CPED1: variants seen among roughly 807,000 people sequenced by gnomAD.
The protein encoded by CPED1 is cadherin like and PC-esterase domain containing 1, also known as cadherin-like and PC-esterase domain-containing protein 1.
In CPED1, 114 loss-of-function variants were observed where a neutral mutation model predicts 128.2. The observed-to-expected ratio is 0.89, with a 90% CI of 0.76 to 1.04. The LOEUF is 1.04. CPED1 is among the 50% of genes least tolerant of loss of function. CPED1 has a pLI of 0.00. For missense variants in CPED1, 1,211 were observed against 1,207.1 expected, an observed-to-expected ratio of 1.00 and a Z score of -0.05; for synonymous variants, 462 against 426.7, an observed-to-expected ratio of 1.08 and a Z score of -1.02.
chr7:121,109,925 C>T (rs1158635444), intron 7 of CPED1, among the ~76,000 whole-genome samples: 4 of 152,122 alleles, frequency 2.6e-5, no homozygotes, highest in African/African-American at 9.7e-5. Context: ...ATGATTACAT[C>T]CTTTCAGGCT....
chr7:121,040,835 A>G (rs1293625077), intron 3 of CPED1, among the ~76,000 whole-genome samples: 2 of 152,084 alleles, frequency 1.3e-5, no homozygotes, highest in African/African-American at 4.8e-5. Flanking sequence ...ATAGTTTAAT[A>G]TCGTGAATAA....
chr7:121,141,904 A>C (rs987925157), intron 15 of CPED1, 69 bp from the exon 16 acceptor site: 8 of 1,231,980 alleles, frequency 6.5e-6, no homozygotes, highest in Non-Finnish European at 9.3e-6. Flanking sequence ...ATATTGATAT[A>C]TGAATCAGTT....
Position 121,117,077 on chromosome 7 carries a change from T to TTTTATATATATA in CPED1, c.919-7253_919-7252insTTATATATATAT, listed in dbSNP as rs377516668. ...CACACATTTTATATATATATACACA[T>TTTTATATATATA]TATATATATATATATATATATAAAT... On this transcript the variant is annotated intron_variant, in intron 7 of 22. Transcript: ENST00000310396. Among the ~76,000 whole-genome samples, 5 of 128,804 alleles carry TTTTATATATATA rather than the reference T, an allele frequency of 3.9e-5. No homozygotes were observed. The South Asian group carries it at 9.5e-4, about 25-fold the overall frequency. The allele number at this position is 128,804 out of a possible 152,430, so 84.5% of individuals were successfully genotyped here.
At chr7:121,073,438 A>G (rs1456550668) in intron 5 of CPED1, among the ~76,000 whole-genome samples, 2 of 152,106 alleles carry the variant, frequency 1.3e-5, no homozygotes, top group Non-Finnish European at 2.9e-5. Context: ...AAGCTTTACA[A>G]AGTATATCAT....
At chr7:121,049,453 T>C (rs1793293216) in intron 4 of CPED1, among the ~76,000 whole-genome samples, 1 of 152,130 alleles carries the variant, frequency 6.6e-6, no homozygotes, top group Non-Finnish European at 1.5e-5. Context: ...CCCTCCAATC[T>C]CTTGCCAGTG....
In CPED1 at chr7:121,095,634, C is replaced by T. The variant is rs62472390; in HGVS notation, c.617-2065C>T. On this transcript the variant is annotated intron_variant, in intron 5 of 22. Coordinates refer to ENST00000310396, the MANE Select transcript of CPED1 (RefSeq NM_024913.5). ...CATTTCCATTATCCGATCACAGTTTCAGAGATTCATGTGGAAATCTGACAT... is the reference window on the plus strand; with the variant it reads ...CATTTCCATTATCCGATCACAGTTTTAGAGATTCATGTGGAAATCTGACAT... Among the ~76,000 whole-genome samples, 787 of 152,170 alleles carry T rather than the reference C, an allele frequency of 5.2e-3. 4 individuals carry two copies. The highest frequency in any genetic ancestry group is 9.0e-3 in the Non-Finnish European group (609 of 67,962).
chr7:121,229,482 A>G (rs1267217167), intron 16 of CPED1, among the ~76,000 whole-genome samples: 2 of 145,278 alleles, frequency 1.4e-5, no homozygotes, highest in African/African-American at 4.9e-5. Flanking sequence ...CAAAATTATG[A>G]GTCTTATAGA....
intron 17 of CPED1, among the ~76,000 whole-genome samples, chr7:121,237,498 G>A (rs1397415034): frequency 6.6e-6 from 1 of 152,136 alleles, no homozygotes; most frequent in East Asian, 1.9e-4. Flanking sequence ...TAAGCACTGA[G>A]CAGAACTAGA....
chr7:120,992,802 G>A (rs1285829703), intron 2 of CPED1, among the ~76,000 whole-genome samples: 1 of 152,154 alleles, frequency 6.6e-6, no homozygotes, highest in Non-Finnish European at 1.5e-5. Context: ...GTATCTATGA[G>A]AAGACCTTTT....
intron 3 of CPED1, among the ~76,000 whole-genome samples, chr7:121,017,502 T>C (rs1184392631): frequency 6.6e-6 from 1 of 152,158 alleles, no homozygotes; most frequent in Non-Finnish European, 1.5e-5. Flanking sequence ...ATCCCATCAC[T>C]AAAGGGGTGA....
intron 16 of CPED1, among the ~76,000 whole-genome samples, chr7:121,219,753 C>T (rs575355084): frequency 6.6e-6 from 1 of 152,126 alleles, no homozygotes; most frequent in Admixed American, 6.5e-5. Context: ...GCAAGGGAAG[C>T]CGTATGTACT....
chr7:121,150,674 T>G (rs1305348866), intron 16 of CPED1, among the ~76,000 whole-genome samples: 1 of 152,174 alleles, frequency 6.6e-6, no homozygotes, highest in Non-Finnish European at 1.5e-5. Flanking sequence ...ACCAACAGCA[T>G]AAGTATTTCC....
At chr7:121,050,565 G>A (rs1238162203) in intron 4 of CPED1, 1 of 205,022 alleles carries the variant, frequency 4.9e-6, no homozygotes, top group African/African-American at 2.5e-5. Context: ...CCAGGTTCAA[G>A]CAATTCTTCT....
intron 5 of CPED1, among the ~76,000 whole-genome samples, chr7:121,094,922 A>G (rs954475074): frequency 6.6e-6 from 1 of 152,218 alleles, no homozygotes; most frequent in South Asian, 2.1e-4. Flanking sequence ...ATAAGCTAAG[A>G]GTAGCCAATA....
At position 121,142,127 on chromosome 7, in the gene CPED1, T is replaced by A; in HGVS notation, c.2041T>A (p.Cys681Ser). The change falls in exon 16 of 23, where the codon TGT (cysteine) becomes AGT (serine). Residue 681 changes from cysteine (C) to serine (S), a missense_variant. Coordinates refer to ENST00000310396, the MANE Select transcript of CPED1 (RefSeq NM_024913.5). ...GCCCTTGTTTGAGGCCTTCACAGCA[T>A]GTGGTTTTGTGCAGGTAAGTGAAGT... is the stretch of plus-strand genomic sequence containing the variant. ...SLPLFEAFTA[C>S]GFVQDCGLLI... is the part of the protein sequence containing the mutation. The A allele has an allele frequency of 6.2e-7, 1 of 1,610,412 alleles. No homozygotes were observed. The highest frequency in any genetic ancestry group is 8.5e-7 in the Non-Finnish European group (1 of 1,177,482).
At chr7:121,089,518 GT>G (rs1307736163) in intron 5 of CPED1, among the ~76,000 whole-genome samples, 1 of 152,096 alleles carries the variant, frequency 6.6e-6, no homozygotes, top group African/African-American at 2.4e-5. Flanking sequence ...GACCCCTAGT[GT>G]TTGTGTGTTA....
At chr7:121,169,492 G>A (rs1286685567) in intron 16 of CPED1, among the ~76,000 whole-genome samples, 1 of 152,098 alleles carries the variant, frequency 6.6e-6, no homozygotes, top group Admixed American at 6.5e-5. Flanking sequence ...TTTCCATTAA[G>A]TTCTGATAAT....
intron 16 of CPED1, among the ~76,000 whole-genome samples, chr7:121,197,274 A>G (rs1372235458): frequency 8.5e-5 from 13 of 152,126 alleles, no homozygotes; most frequent in Non-Finnish European, 1.5e-5. Context: ...GCTTTACTCT[A>G]TAAATGTTTG....
At chr7:121,124,494 T>TA (rs763384936) in intron 8 of CPED1, 21 bp downstream of exon 8, 4,461 of 1,162,806 alleles carry the variant, frequency 3.8e-3, no homozygotes, top group South Asian at 6.3e-3. Flanking sequence ...AATTTTAATT[T>TA]AAAAAAAAAA....
Sources: allele counts gnomAD v4.1 joint callset (sites outside exome capture counted in the v4.1 genomes callset), GRCh38; gene constraint gnomAD v4.1.1; transcripts MANE v1.5; gene names NCBI Gene and HGNC (gene_info 2026-07-23, HGNC 2026-07-21).